The following HHAT variants were observed in gnomAD, a reference collection of about 807,000 sequenced individuals.
The protein encoded by HHAT is hedgehog acyltransferase, also known as protein-cysteine N-palmitoyltransferase HHAT.
Under a neutral mutation model 70.8 loss-of-function variants are expected in HHAT, and 47 were observed. The ratio of observed to expected loss-of-function variants is 0.66; its 90% CI spans 0.53 to 0.85. The LOEUF is 0.85. Among genes scored for constraint, HHAT ranks in the 40% least tolerant of loss-of-function variants. The pLI is 0.00. For synonymous variants in HHAT, 228 were observed against 247.6 expected, an observed-to-expected ratio of 0.92 and a Z score of 0.74; for missense variants, 609 against 604.8, an observed-to-expected ratio of 1.01 and a Z score of -0.07.
At chr1:210,420,667 T>A (rs1419760790) in intron 7 of HHAT, among the ~76,000 whole-genome samples, 2 of 134,734 alleles carry the variant, frequency 1.5e-5, no homozygotes, top group East Asian at 2.0e-4. Context: ...TAATAAAATT[T>A]AAAAAAACAA....
intron 6 of HHAT, among the ~76,000 whole-genome samples, chr1:210,408,417 AG>A (rs1256237438): frequency 6.6e-6 from 1 of 152,166 alleles, no homozygotes; most frequent in Non-Finnish European, 1.5e-5. Context: ...TCCCGACCTC[AG>A]GTGATCCGCC....
chr1:210,520,729 A>G (rs1373159338), intron 9 of HHAT, among the ~76,000 whole-genome samples: 1 of 152,202 alleles, frequency 6.6e-6, no homozygotes, highest in Admixed American at 6.5e-5. Context: ...AAAATCAGAA[A>G]AGTATTCACC....
intron 9 of HHAT, 134 bp from the exon 10 acceptor site, chr1:210,587,764 A>T: frequency 1.4e-6 from 1 of 695,056 alleles, no homozygotes; most frequent in East Asian, 2.6e-5. Flanking sequence ...GAATCCAAGG[A>T]ATCTGGCCTC....
intron 11 of HHAT, among the ~76,000 whole-genome samples, chr1:210,658,839 T>C (rs1677024201): frequency 6.6e-6 from 1 of 152,192 alleles, no homozygotes; most frequent in Non-Finnish European, 1.5e-5. Context: ...GAATGACTAC[T>C]GGGTAAATAA....
At chr1:210,501,340 C>T (rs190820669) in intron 8 of HHAT, among the ~76,000 whole-genome samples, 225 of 152,334 alleles carry the variant, frequency 1.5e-3, no homozygotes, top group Admixed American at 3.4e-3. Context: ...CTATCTCCTC[C>T]CCGTTCTCCC....
chr1:210,527,636 T>A (rs1230879724), intron 9 of HHAT, among the ~76,000 whole-genome samples: 1 of 152,166 alleles, frequency 6.6e-6, no homozygotes, highest in East Asian at 1.9e-4. Context: ...TGCTTTTGCT[T>A]AAGGTTTGGC....
At chr1:210,481,207 T>C (rs75708636) in intron 8 of HHAT, among the ~76,000 whole-genome samples, 1,946 of 152,304 alleles carry the variant, frequency 0.013, 41 homozygotes, top group African/African-American at 0.045. Flanking sequence ...TAATGACCAC[T>C]GGGCCATTGC....
chr1:210,561,016 CAAAG>C (rs1000736205), intron 9 of HHAT, among the ~76,000 whole-genome samples: 2 of 151,922 alleles, frequency 1.3e-5, no homozygotes, highest in African/African-American at 4.8e-5. Context: ...CATCTTTTCT[CAAAG>C]AAAGAAGAGG....
intron 3 of HHAT, among the ~76,000 whole-genome samples, chr1:210,369,957 A>G (rs2089391366): frequency 6.6e-6 from 1 of 152,086 alleles, no homozygotes; most frequent in Non-Finnish European, 1.5e-5. Context: ...GGCAGTGGTC[A>G]GTCATTGAAG....
intron 8 of HHAT, among the ~76,000 whole-genome samples, chr1:210,493,734 G>A (rs2094587215): frequency 1.3e-5 from 2 of 152,098 alleles, no homozygotes; most frequent in Non-Finnish European, 2.9e-5. Flanking sequence ...TCTAGTGACG[G>A]GAAACGTCTC....
At position 210,477,442 on chromosome 1, in the gene HHAT, G is replaced by A. The variant is rs2094322100; in HGVS notation, c.1007+12787G>A. ...TTCAGGAAGAAATGCCCAGTTCCTG[G>A]TTTCTGGCCGAGTCCTGTAGGCATC... On this transcript the variant is annotated intron_variant, in intron 8 of 11. Transcript: ENST00000261458. Among the ~76,000 whole-genome samples, 3 of 152,288 alleles carry A rather than the reference G, an allele frequency of 2.0e-5. No individual in the cohort carries two copies. In the South Asian group the frequency reaches 6.2e-4, roughly 32 times the overall value.
intron 8 of HHAT, 83 bp downstream of exon 8, chr1:210,464,738 A>G (rs2094062320): frequency 5.7e-6 from 8 of 1,411,770 alleles, no homozygotes; most frequent in South Asian, 2.4e-5. Flanking sequence ...GGTTCGGGCT[A>G]CTATCCTCTC....
At chr1:210,629,247 T>C (rs746627392) in intron 11 of HHAT, among the ~76,000 whole-genome samples, 2 of 152,226 alleles carry the variant, frequency 1.3e-5, no homozygotes, top group Non-Finnish European at 2.9e-5. Context: ...CCTTGGGCAT[T>C]AGTTTTCCTA....
chr1:210,488,787 G>A (rs567270637), intron 8 of HHAT, among the ~76,000 whole-genome samples: 6 of 152,032 alleles, frequency 3.9e-5, no homozygotes, highest in African/African-American at 1.4e-4. Flanking sequence ...TAGCTACTCA[G>A]GAGGCTGAGG....
At chr1:210,655,018 C>G (rs970850345) in intron 11 of HHAT, among the ~76,000 whole-genome samples, 2 of 152,196 alleles carry the variant, frequency 1.3e-5, no homozygotes, top group African/African-American at 4.8e-5. Flanking sequence ...GGTTCCACGT[C>G]CCGAACTGAC....
chr1:210,636,274 C>T (rs977489312), intron 11 of HHAT, among the ~76,000 whole-genome samples: 1 of 152,196 alleles, frequency 6.6e-6, no homozygotes, highest in Non-Finnish European at 1.5e-5. Context: ...CCAATAGTTA[C>T]ATTTCCTTAG....
At chr1:210,496,027 A>G (rs111609280) in intron 8 of HHAT, among the ~76,000 whole-genome samples, 15,498 of 146,566 alleles carry the variant, frequency 0.11, 1,258 homozygotes, top group South Asian at 0.18. Flanking sequence ...AAAAAAAAAA[A>G]AAAGAAAAAG....
intron 11 of HHAT, among the ~76,000 whole-genome samples, chr1:210,638,165 T>C (rs1490334990): frequency 6.6e-6 from 1 of 152,194 alleles, no homozygotes; most frequent in African/African-American, 2.4e-5. Context: ...AGAGTTACTA[T>C]ATGACATAGC....
intron 9 of HHAT, among the ~76,000 whole-genome samples, chr1:210,578,242 C>T (rs1558200463): frequency 6.6e-6 from 1 of 151,942 alleles, no homozygotes; most frequent in Non-Finnish European, 1.5e-5. Flanking sequence ...TGAAAAGATG[C>T]TCAATATCAC....
Sources: gnomAD v4.1 joint callset for allele counts (sites outside exome capture counted in the v4.1 genomes callset) on GRCh38, gnomAD v4.1.1 for gene constraint, MANE v1.5 for transcripts, NCBI Gene and HGNC (gene_info 2026-07-23, HGNC 2026-07-21) for gene names.